The following GTF2I variants were observed in gnomAD, a reference collection of about 807,000 sequenced individuals.
The protein encoded by GTF2I is general transcription factor II-I.
A neutral mutation model predicts 67.6 loss-of-function variants in GTF2I; 12 were observed. That is an observed-to-expected ratio of 0.18 (90% CI 0.11 to 0.29). The LOEUF (loss-of-function observed/expected upper bound fraction) is 0.29. Among genes scored for constraint, GTF2I ranks in the 10% least tolerant of loss-of-function variants. The pLI is 1.00. For synonymous variants in GTF2I, 149 were observed against 197.0 expected, an observed-to-expected ratio of 0.76 and a Z score of 2.04; for missense variants, 271 against 580.1, an observed-to-expected ratio of 0.47 and a Z score of 5.47.
chr7:74,706,804 A>G (rs1554401546), intron 8 of GTF2I, among the ~76,000 whole-genome samples: 1 of 152,116 alleles, frequency 6.6e-6, no homozygotes, highest in Non-Finnish European at 1.5e-5. Context: ...CCACTCTCCA[A>G]GGAGACCATT....
chr7:74,693,037 CAGGCATGAGCCACT>C (rs1562954343), intron 3 of GTF2I, among the ~76,000 whole-genome samples: 4 of 152,096 alleles, frequency 2.6e-5, no homozygotes, highest in Admixed American at 6.5e-5. Flanking sequence ...GCTGGGATTA[CAGGCATGAGCCACT>C]GTGCCCGACC....
At chr7:74,724,140 A>G (rs1378627701) in intron 12 of GTF2I, among the ~76,000 whole-genome samples, 2 of 152,104 alleles carry the variant, frequency 1.3e-5, no homozygotes, top group African/African-American at 4.8e-5. Flanking sequence ...AATTTTTTTT[A>G]TTGCTGCCAA....
In GTF2I at chr7:74,714,983, A is replaced by T. The variant is rs143773611; in HGVS notation, c.823+67A>T. 2.5e-5 allele frequency: 23 copies of T among 931,270 alleles called. No individual in the cohort carries two copies. In the East Asian group the frequency reaches 6.0e-4, roughly 24 times the overall value. 57.7% of individuals were successfully genotyped at this position (931,270 alleles called of 1,614,324 possible). A position where few individuals can be genotyped will look rare whatever the true frequency, so the allele number is the denominator to read the frequency against. ...TTTAATGTTTCCTTATATTGCACAG[A>T]CTGTGTTTTAATATTTATAAGTACA... is the stretch of plus-strand genomic sequence containing the variant. On this transcript the variant is annotated intron_variant, in intron 10 of 34. Transcript: ENST00000573035.
chr7:74,689,377 C>G (rs1387339154), intron 2 of GTF2I, 150 bp downstream of exon 2: 2 of 392,002 alleles, frequency 5.1e-6, no homozygotes, highest in Non-Finnish European at 8.6e-6. Context: ...TTTTTTGAGA[C>G]GGAGTCTTGC....
intron 1 of GTF2I, among the ~76,000 whole-genome samples, chr7:74,667,904 G>A (rs1805120596): frequency 6.6e-6 from 1 of 151,326 alleles, no homozygotes; most frequent in South Asian, 2.1e-4. Flanking sequence ...CATGATCTCG[G>A]CTCATGGCAA....
At chr7:74,699,869 C>G (rs1276652906) in intron 4 of GTF2I, 1 of 187,982 alleles carries the variant, frequency 5.3e-6, no homozygotes, top group Non-Finnish European at 1.1e-5. Flanking sequence ...AGAATATTAG[C>G]CAAAACATTC....
At chr7:74,682,490 G>A (rs1229137915) in intron 1 of GTF2I, among the ~76,000 whole-genome samples, 1 of 152,174 alleles carries the variant, frequency 6.6e-6, no homozygotes, top group Non-Finnish European at 1.5e-5. Context: ...AGAATAGTCT[G>A]CATCCTTACT....
At chr7:74,714,619 G>C (rs1437639988) in intron 9 of GTF2I, among the ~76,000 whole-genome samples, 1 of 151,636 alleles carries the variant, frequency 6.6e-6, no homozygotes, top group Non-Finnish European at 1.5e-5. Flanking sequence ...CATATGTCCA[G>C]TCATCTTCAA....
intron 3 of GTF2I, among the ~76,000 whole-genome samples, chr7:74,697,166 G>C (rs1420933632): frequency 3.3e-5 from 5 of 152,112 alleles, no homozygotes; most frequent in Admixed American, 2.6e-4. Context: ...GGGAGGCAGA[G>C]GCAGGCGGAT....
intron 6 of GTF2I, among the ~76,000 whole-genome samples, chr7:74,703,334 C>G (rs1790090445): frequency 6.6e-6 from 1 of 151,998 alleles, no homozygotes; most frequent in South Asian, 2.1e-4. Flanking sequence ...TCCTTTGAGG[C>G]ACAAACGTTT....
chr7:74,711,477 AG>A (rs1554402528), intron 9 of GTF2I, among the ~76,000 whole-genome samples: 1 of 152,206 alleles, frequency 6.6e-6, no homozygotes, highest in East Asian at 1.9e-4. Context: ...AAACACTTAA[AG>A]TAAAAAATCT....
intron 12 of GTF2I, among the ~76,000 whole-genome samples, chr7:74,721,858 A>G (rs1554404689): frequency 6.7e-6 from 1 of 149,100 alleles, no homozygotes; most frequent in African/African-American, 2.4e-5. Context: ...GTTCAGTGGA[A>G]AAAAAAAAAA....
intron 12 of GTF2I, chr7:74,722,803 G>T (rs1554404867): frequency 6.6e-6 from 1 of 152,132 alleles, no homozygotes; most frequent in African/African-American, 2.4e-5. Context: ...AATTGAGGAG[G>T]TTAGCGTTGG....
At chr7:74,709,539 T>C (rs1791239991) in intron 8 of GTF2I, among the ~76,000 whole-genome samples, 2 of 151,576 alleles carry the variant, frequency 1.3e-5, no homozygotes, top group Non-Finnish European at 2.9e-5. Flanking sequence ...TTATAGGCAT[T>C]AGCCTCTGCA....
chr7:74,699,299 T>G (rs1265290930), intron 4 of GTF2I, among the ~76,000 whole-genome samples: 2 of 134,668 alleles, frequency 1.5e-5, no homozygotes, highest in Non-Finnish European at 3.1e-5. Flanking sequence ...TTTCTTTCTG[T>G]TTTTTTTTTT....
intron 3 of GTF2I, among the ~76,000 whole-genome samples, chr7:74,693,547 CA>C (rs1460378526): frequency 2.0e-5 from 3 of 151,870 alleles, no homozygotes; most frequent in Admixed American, 1.3e-4. Context: ...CCCTGAGACA[CA>C]ATATTGAAAT....
intron 1 of GTF2I, among the ~76,000 whole-genome samples, chr7:74,685,634 G>GC (rs1554395252): frequency 6.6e-6 from 1 of 152,156 alleles, no homozygotes. Context: ...GGGCGTGGTG[G>GC]CGGGCACCTG....
rs782130738 is a variant in GTF2I at position 74,718,935 on chromosome 7, A to G, written c.937A>G (p.Ile313Val). 1.3e-5 allele frequency: 20 copies of G among 1,540,014 alleles called. No individual in the cohort carries two copies. Among genetic ancestry groups the G allele is most frequent in the Admixed American group, 1.9e-5 (1 of 53,872 alleles). Residue 313 changes from isoleucine (I) to valine (V), a missense_variant, in exon 12 of 35, where the codon ATT becomes GTT. Ile to Val is a conservative substitution (Grantham distance 29, BLOSUM62 3). Coordinates refer to ENST00000573035, the MANE Select transcript of GTF2I (RefSeq NM_032999.4). ...TGAGGACCCTGAAGTTGAGGTGACT[A>G]TTGAAGGTTAGTTATCTAAAAGCCT... ...TSEDPEVEVTIEDDDYSPPSK... is the reference protein window; with the variant it reads ...TSEDPEVEVTVEDDDYSPPSK...
intron 1 of GTF2I, among the ~76,000 whole-genome samples, chr7:74,682,567 T>C (rs1025125655): frequency 2.0e-5 from 3 of 152,180 alleles, no homozygotes; most frequent in Non-Finnish European, 4.4e-5. Context: ...TTAGAGTGAT[T>C]CTAGGCAGGT....
Sources: gnomAD v4.1 joint callset for allele counts (sites outside exome capture counted in the v4.1 genomes callset) on GRCh38, gnomAD v4.1.1 for gene constraint, MANE v1.5 for transcripts, NCBI Gene and HGNC (gene_info 2026-07-23, HGNC 2026-07-21) for gene names.